CREB5: variants seen among roughly 807,000 people sequenced by gnomAD.
The protein encoded by CREB5 is cyclic AMP-responsive element-binding protein 5.
CREB5 carries 19 observed loss-of-function variants against 57.1 expected under a neutral mutation model. That is an observed-to-expected ratio of 0.33 (90% CI 0.23 to 0.49). The LOEUF (loss-of-function observed/expected upper bound fraction) is 0.49. Among genes scored for constraint, CREB5 ranks in the 20% least tolerant of loss-of-function variants. The pLI, the probability that CREB5 is intolerant of heterozygous loss-of-function variation, is 0.99. For missense variants in CREB5, 579 were observed against 671.6 expected (o/e 0.86, Z 1.52); for synonymous variants, 238 against 238.3 (o/e 1.00, Z 0.01).
chr7:28,821,060 A>ATGTT lies in CREB5; in HGVS notation c.*1783_*1786dup, dbSNP rs1250346154. The ATGTT allele has an allele frequency of 2.6e-5, 4 of 152,140 alleles. No individual in the cohort carries two copies. Among genetic ancestry groups the ATGTT allele is most frequent in the African/African-American group, 9.7e-5 (4 of 41,266 alleles). The allele number at this position is 152,140 out of a possible 1,614,324, so 9.4% of individuals were successfully genotyped here. A position where few individuals can be genotyped will look rare whatever the true frequency, so the allele number is the denominator to read the frequency against. Reference sequence around the variant, plus strand: ...CACATCTCACAAATAACAGGGGTGAATGTTTCTCTCTAGCAATCTAGGCAG... The same window carrying ATGTT: ...CACATCTCACAAATAACAGGGGTGAATGTTTGTTTCTCTCTAGCAATCTAGGCAG... On this transcript the variant is annotated 3_prime_UTR_variant, in exon 11 of 11. Transcript: ENST00000357727.
chr7:28,738,403 A>C (rs1371501758), intron 7 of CREB5, among the ~76,000 whole-genome samples: 1 of 152,214 alleles, frequency 6.6e-6, no homozygotes, highest in Non-Finnish European at 1.5e-5. Flanking sequence ...TCTCGAGGAC[A>C]TGGTTCAGTA....
At chr7:28,469,150 G>A (rs1790710871) in intron 1 of CREB5, among the ~76,000 whole-genome samples, 1 of 152,166 alleles carries the variant, frequency 6.6e-6, no homozygotes, top group African/African-American at 2.4e-5. Context: ...GAGCCAAGGG[G>A]TTCGAGGCTG....
intron 4 of CREB5, among the ~76,000 whole-genome samples, chr7:28,531,470 C>A (rs1793725603): frequency 6.6e-6 from 1 of 152,164 alleles, no homozygotes; most frequent in South Asian, 2.1e-4. Context: ...GTCCACATTT[C>A]CCCTTTTCAT....
At chr7:28,309,257 C>T (rs569700525) in intron 1 of CREB5, among the ~76,000 whole-genome samples, 4 of 152,256 alleles carry the variant, frequency 2.6e-5, no homozygotes, top group African/African-American at 4.8e-5. Context: ...TTGGTCTGTT[C>T]TTCTGGAGAG....
At chr7:28,487,681 G>A (rs918416920) in intron 1 of CREB5, among the ~76,000 whole-genome samples, 1 of 152,192 alleles carries the variant, frequency 6.6e-6, no homozygotes, top group Non-Finnish European at 1.5e-5. Context: ...GAAGCTTGCT[G>A]GGGTGGTTGT....
Position 28,763,610 on chromosome 7 carries a change from C to T in CREB5, c.702+39278C>T, listed in dbSNP as rs143595609. On this transcript the variant is annotated intron_variant, in intron 7 of 10. Transcript: ENST00000357727. ...CTCTGTGCCTTGCCACTTTATAGCA[C>T]AGACCTGAACATAAGAAGGGCCCTT... Among the ~76,000 whole-genome samples, 14 of 152,220 alleles carry T rather than the reference C, an allele frequency of 9.2e-5. No individual in the cohort carries two copies. In the East Asian group the frequency reaches 2.7e-3, roughly 29 times the overall value.
chr7:28,453,045 C>T (rs1338666813), intron 1 of CREB5, among the ~76,000 whole-genome samples: 2 of 152,146 alleles, frequency 1.3e-5, no homozygotes, highest in Admixed American at 6.5e-5. Context: ...TCCCAAATGG[C>T]GAGTAACTCT....
intron 4 of CREB5, among the ~76,000 whole-genome samples, chr7:28,527,653 CA>C (rs530898239): frequency 6.9e-4 from 105 of 152,212 alleles, no homozygotes; most frequent in Middle Eastern, 6.8e-3. Context: ...ATCATCACTA[CA>C]AAAAAGTTTT....
At chr7:28,424,374 G>T (rs1228615781) in intron 1 of CREB5, among the ~76,000 whole-genome samples, 2 of 152,162 alleles carry the variant, frequency 1.3e-5, no homozygotes, top group Non-Finnish European at 2.9e-5. Context: ...CAAGCAGATT[G>T]GGAGTGATAT....
chr7:28,536,790 C>A (rs1259808610), intron 4 of CREB5, among the ~76,000 whole-genome samples: 1 of 152,100 alleles, frequency 6.6e-6, no homozygotes, highest in African/African-American at 2.4e-5. Flanking sequence ...TCACTTAATT[C>A]TCATACAACC....
chr7:28,478,900 A>C (rs1791199221), intron 1 of CREB5, among the ~76,000 whole-genome samples: 3 of 152,216 alleles, frequency 2.0e-5, no homozygotes, highest in Non-Finnish European at 4.4e-5. Flanking sequence ...AAATGTTGGC[A>C]ACAGACCCCA....
intron 8 of CREB5, among the ~76,000 whole-genome samples, chr7:28,807,222 G>A (rs945751430): frequency 2.6e-5 from 4 of 152,204 alleles, no homozygotes; most frequent in Non-Finnish European, 5.9e-5. Context: ...GCTGAGGCGG[G>A]TGGATCACGA....
chr7:28,449,898 A>G (rs1789707640), intron 1 of CREB5, among the ~76,000 whole-genome samples: 1 of 152,060 alleles, frequency 6.6e-6, no homozygotes, highest in South Asian at 2.1e-4. Flanking sequence ...TCTCCCTCCC[A>G]TCCTTTACTT....
At chr7:28,571,601 T>G (rs1329070795) in intron 5 of CREB5, among the ~76,000 whole-genome samples, 2 of 152,186 alleles carry the variant, frequency 1.3e-5, no homozygotes, top group African/African-American at 2.4e-5. Flanking sequence ...AGCTTTCCCT[T>G]CTGGGTATCC....
intron 1 of CREB5, among the ~76,000 whole-genome samples, chr7:28,441,329 G>A (rs564849026): frequency 6.6e-6 from 1 of 152,332 alleles, no homozygotes; most frequent in Non-Finnish European, 1.5e-5. Flanking sequence ...AAAGCACAGA[G>A]AGATCTTTAC....
rs1789283655 is a variant in CREB5 at position 28,443,281 on chromosome 7, A to G, written c.3+30364A>G. Among the ~76,000 whole-genome samples, 2 of 152,184 alleles carry G rather than the reference A, an allele frequency of 1.3e-5. 1 individual carries two copies. The highest frequency in any genetic ancestry group is 1.3e-4 in the Admixed American group (2 of 15,278). On this transcript the variant is annotated intron_variant, in intron 1 of 10. Transcript: ENST00000357727. ...TGGCTGCTGAACATGCAGGGAGTTT[A>G]CATTATGGCTGAAGAACTCTGGGCT...
In CREB5 at chr7:28,819,138, T is replaced by TA; in HGVS notation, c.1387dup (p.Ser463LysfsTer15). ...TAGGTCCAGAGAGTAGCCCTCCTGC[T>TA]AGTCCTGTCCCAGCTTGCTCCCAGC... On this transcript the variant is annotated frameshift_variant, in exon 11 of 11. Coordinates refer to ENST00000357727, the MANE Select transcript of CREB5 (RefSeq NM_182898.4). LOFTEE classifies it high-confidence loss of function. 6.2e-7 allele frequency: 1 copy of TA among 1,613,688 alleles called. No homozygotes were observed.
intron 5 of CREB5, among the ~76,000 whole-genome samples, chr7:28,625,275 G>T (rs1797957612): frequency 6.6e-6 from 1 of 152,112 alleles, no homozygotes; most frequent in African/African-American, 2.4e-5. Flanking sequence ...CACACATGCT[G>T]ATAGGACGAA....
chr7:28,473,418 G>C (rs1307088800), intron 1 of CREB5, among the ~76,000 whole-genome samples: 1 of 152,172 alleles, frequency 6.6e-6, no homozygotes, highest in Non-Finnish European at 1.5e-5. Flanking sequence ...TGTGCTGTTA[G>C]TTTCCTTGGT....
Sources: allele counts gnomAD v4.1 joint callset (sites outside exome capture counted in the v4.1 genomes callset), GRCh38; gene constraint gnomAD v4.1.1; transcripts MANE v1.5; gene names NCBI Gene and HGNC (gene_info 2026-07-23, HGNC 2026-07-21).